Variants in TTLL10 observed in about 807,000 individuals in gnomAD.
TTLL10 encodes tubulin tyrosine ligase like 10.
TTLL10 carries 61 observed loss-of-function variants against 69.0 expected under a neutral mutation model. That is an observed-to-expected ratio of 0.88 (90% CI 0.72 to 1.09). The LOEUF (loss-of-function observed/expected upper bound fraction) is 1.09. TTLL10 is among the 50% of genes least tolerant of loss of function. The probability of loss-of-function intolerance (pLI) is 0.00; values close to 1 mark genes in which losing one functional copy is unlikely to be tolerated. For missense variants in TTLL10, 962 were observed against 945.9 expected, an observed-to-expected ratio of 1.02 and a Z score of -0.22; for synonymous variants, 408 against 393.3, an observed-to-expected ratio of 1.04 and a Z score of -0.44.
At chr1:1,196,457 G>A (rs1182052652) in intron 13 of TTLL10, 143 bp from the exon 14 acceptor site, 1 of 647,422 alleles carries the variant, frequency 1.5e-6, no homozygotes, top group Non-Finnish European at 2.8e-6. Context: ...GAGGCTGAGT[G>A]CACGAACGTG....
chr1:1,181,636 C>T lies in TTLL10; in HGVS notation c.756-105C>T. 9.4e-7 allele frequency: 1 copy of T among 1,061,674 alleles called. No individual in the cohort carries two copies. The highest frequency in any genetic ancestry group is 1.4e-6 in the Non-Finnish European group (1 of 730,386). The allele number at this position is 1,061,674 out of a possible 1,614,324, so 65.8% of individuals were successfully genotyped here. On this transcript the variant is annotated intron_variant, in intron 8 of 15. Coordinates refer to ENST00000379289, the MANE Select transcript of TTLL10 (RefSeq NM_001130045.2). The surrounding 1 kb of genome is among the most constrained non-coding windows in gnomAD (Gnocchi z 4.6). Reference sequence around the variant, plus strand: ...CCAGCCACCTCCTTCCACCACAACTCACAGTCCGCCCACTCACCACCCATG... The same window carrying T: ...CCAGCCACCTCCTTCCACCACAACTTACAGTCCGCCCACTCACCACCCATG...
chr1:1,178,109 A>G (rs1473445106), intron 3 of TTLL10, among the ~76,000 whole-genome samples: 2 of 152,154 alleles, frequency 1.3e-5, no homozygotes, highest in Non-Finnish European at 2.9e-5. Context: ...GGGCAGACAC[A>G]AAGGCTTCCT....
At chr1:1,179,908 C>G in intron 5 of TTLL10, 126 bp from the exon 6 acceptor site, 1 of 1,437,476 alleles carries the variant, frequency 7.0e-7, no homozygotes, top group South Asian at 1.5e-5. Context: ...AACTTGAGCC[C>G]CAGACGGGCC....
chr1:1,175,319 TG>T (rs1266370775), intron 3 of TTLL10: 5 of 91,434 alleles, frequency 5.5e-5, no homozygotes, highest in Middle Eastern at 3.0e-3. Context: ...GTTTCCTGGG[TG>T]GGGGGGTGGG....
intron 3 of TTLL10, among the ~76,000 whole-genome samples, chr1:1,178,229 C>T (rs1174545059): frequency 6.6e-6 from 1 of 152,186 alleles, no homozygotes. Flanking sequence ...GCCGTGTGCT[C>T]CCCTGTCTCC....
Position 1,179,343 on chromosome 1 carries a change from G to A in TTLL10, c.118+10G>A. On this transcript the variant is annotated intron_variant, in intron 4 of 15. Transcript: ENST00000379289. Reference sequence around the variant, plus strand: ...CGGGCTCGAGTCTCAGGTGAATAGAGCAGCCCTGGGTGGCCTCCTACCTCT... The same window carrying A: ...CGGGCTCGAGTCTCAGGTGAATAGAACAGCCCTGGGTGGCCTCCTACCTCT... 1 of 1,550,198 alleles carries A rather than the reference G, an allele frequency of 6.5e-7. No homozygotes were observed. The highest frequency in any genetic ancestry group is 8.7e-7 in the Non-Finnish European group (1 of 1,145,946).
At chr1:1,186,835 T>A (rs1210588098) in intron 13 of TTLL10, among the ~76,000 whole-genome samples, 1 of 148,356 alleles carries the variant, frequency 6.7e-6, no homozygotes. Flanking sequence ...TGAAAGTTTT[T>A]TTTGTTTGTT....
At chr1:1,190,678 C>G (rs1028014757) in intron 13 of TTLL10, among the ~76,000 whole-genome samples, 1 of 151,864 alleles carries the variant, frequency 6.6e-6, no homozygotes, top group African/African-American at 2.4e-5. Context: ...TTCTTAAGGT[C>G]AAAAGTTAGG....
Position 1,183,059 on chromosome 1 carries a change from G to A in TTLL10, c.1088+12G>A, listed in dbSNP as rs779278930. 6.6e-5 allele frequency: 104 copies of A among 1,583,162 alleles called. No individual in the cohort carries two copies. The highest frequency in any genetic ancestry group is 8.2e-5 in the Non-Finnish European group (95 of 1,165,278). ...CGGGTGGTGCAGAGGTGCGGCGGCG[G>A]GTGCCCGGAGGGGTGAGGGTCTGGG... is the stretch of plus-strand genomic sequence containing the variant. On this transcript the variant is annotated intron_variant, in intron 11 of 15. Transcript: ENST00000379289.
Position 1,185,111 on chromosome 1 carries a change from T to C in TTLL10, c.1401+2T>C. The C allele has an allele frequency of 6.2e-7, 1 of 1,612,842 alleles. No individual in the cohort carries two copies. The highest frequency in any genetic ancestry group is 8.5e-7 in the Non-Finnish European group (1 of 1,179,388). The stretch of plus-strand genomic sequence containing the variant: ...GACTGGGTCTTCACCACCCTCAAGG[T>C]GCGTCCACTGTGCCCTCCAGTCTGG... On this transcript the variant is annotated splice_donor_variant, in intron 13 of 15. Transcript: ENST00000379289. LOFTEE classifies it high-confidence loss of function. This position sits in a 1 kb window ranked among gnomAD's most constrained non-coding sequence, Gnocchi z 6.1.
intron 15 of TTLL10, 64 bp from the exon 16 acceptor site, chr1:1,197,374 C>CAA: frequency 1.4e-6 from 1 of 710,068 alleles, no homozygotes; most frequent in Non-Finnish European, 2.3e-6. Context: ...CCCTCACACC[C>CAA]TCCCCACCCC....
chr1:1,196,694 T>G lies in TTLL10; in HGVS notation c.1496T>G (p.Phe499Cys). Reference protein sequence around the residue: ...LGYFDLIGCDFLIDDNFKVWL... With the variant: ...LGYFDLIGCDCLIDDNFKVWL... ...TACTTTGACCTCATTGGCTGTGACT[T>G]CCTGATTGATGACAACTTCAAGGTG... is the stretch of plus-strand genomic sequence containing the variant. The change falls in exon 14 of 16, where the codon TTC (phenylalanine) becomes TGC (cysteine). Residue 499 changes from phenylalanine (F) to cysteine (C), a missense_variant. Physicochemically the swap from Phe to Cys is radical, Grantham distance 205. Transcript: ENST00000379289. The G allele has an allele frequency of 6.4e-7, 1 of 1,551,866 alleles. No homozygotes were observed. Among genetic ancestry groups the G allele is most frequent in the Non-Finnish European group, 8.7e-7 (1 of 1,146,834 alleles).
At position 1,185,340 on chromosome 1, in the gene TTLL10, C is replaced by T. The variant is rs1647238808; in HGVS notation, c.1401+231C>T. 2 of 1,371,678 alleles carry T rather than the reference C, an allele frequency of 1.5e-6. No homozygotes were observed. The highest frequency in any genetic ancestry group is 1.9e-6 in the Non-Finnish European group (2 of 1,067,066). 85.0% of individuals were successfully genotyped at this position (1,371,678 alleles called of 1,614,324 possible). On this transcript the variant is annotated intron_variant, in intron 13 of 15. Coordinates refer to ENST00000379289, the MANE Select transcript of TTLL10 (RefSeq NM_001130045.2). The surrounding 1 kb of genome is among the most constrained non-coding windows in gnomAD (Gnocchi z 6.1). Reference sequence around the variant, plus strand: ...ACGGAAAGCCCAGTCGGGGGTCTGTCGGCACGAGTCCCGCGGGCAGCCTCG... The same window carrying T: ...ACGGAAAGCCCAGTCGGGGGTCTGTTGGCACGAGTCCCGCGGGCAGCCTCG...
intron 13 of TTLL10, among the ~76,000 whole-genome samples, chr1:1,190,142 C>A (rs1396287659): frequency 1.3e-5 from 2 of 149,886 alleles, no homozygotes; most frequent in Non-Finnish European, 3.0e-5. Flanking sequence ...TTGTCCATTT[C>A]TTCTAGGTTA....
Position 1,179,687 on chromosome 1 carries a change from C to CA in TTLL10, c.150dup (p.Pro51ThrfsTer77). 1 of 1,550,932 alleles carries CA rather than the reference C, an allele frequency of 6.4e-7. No individual in the cohort carries two copies. Among genetic ancestry groups the CA allele is most frequent in the Non-Finnish European group, 8.7e-7 (1 of 1,146,832 alleles). ...ATCCCTGCGTCACGTCTGCACCCAG[C>CA]ACCGGCCTCACAGCCCGGCCCCTGC... On this transcript the variant is annotated frameshift_variant, in exon 5 of 16. Transcript: ENST00000379289. LOFTEE classifies it high-confidence loss of function.
At chr1:1,196,113 A>C (rs1189718068) in intron 13 of TTLL10, among the ~76,000 whole-genome samples, 1 of 152,214 alleles carries the variant, frequency 6.6e-6, no homozygotes, top group African/African-American at 2.4e-5. Flanking sequence ...GGGATCTTCC[A>C]AGGAACTACT....
intron 3 of TTLL10, among the ~76,000 whole-genome samples, chr1:1,177,840 C>G (rs1478895721): frequency 6.6e-6 from 1 of 152,208 alleles, no homozygotes; most frequent in Non-Finnish European, 1.5e-5. Flanking sequence ...CAAAAGTCCT[C>G]CTGTTCTGGG....
intron 3 of TTLL10, among the ~76,000 whole-genome samples, chr1:1,177,608 G>A (rs1646917338): frequency 6.6e-6 from 1 of 152,236 alleles, no homozygotes; most frequent in Non-Finnish European, 1.5e-5. Context: ...TCCGCGCCCG[G>A]CTGTCCTTGT....
chr1:1,193,170 A>G (rs971316409), intron 13 of TTLL10, among the ~76,000 whole-genome samples: 1 of 152,114 alleles, frequency 6.6e-6, no homozygotes, highest in Non-Finnish European at 1.5e-5. Flanking sequence ...CTAAAAATAC[A>G]AAACATTAGC....
Sources: gnomAD v4.1 joint callset for allele counts (sites outside exome capture counted in the v4.1 genomes callset) on GRCh38, gnomAD v4.1.1 for gene constraint, Gnocchi (gnomAD v3.1) non-coding constraint, MANE v1.5 for transcripts, NCBI Gene and HGNC (gene_info 2026-07-23, HGNC 2026-07-21) for gene names.